The following F5 variants were observed in gnomAD, a reference collection of about 807,000 sequenced individuals.
F5 encodes activated protein c cofactor.
A neutral mutation model predicts 216.4 loss-of-function variants in F5; 138 were observed. That is an observed-to-expected ratio of 0.64 (90% CI 0.56 to 0.73). The LOEUF is 0.73. F5 is among the 30% of genes least tolerant of loss of function. The probability of loss-of-function intolerance (pLI) is 0.00; values close to 1 mark genes in which losing one functional copy is unlikely to be tolerated. For missense variants in F5, 2,403 were observed against 2,674.0 expected (o/e 0.90, Z 2.24); for synonymous variants, 916 against 930.7 (o/e 0.98, Z 0.29).
intron 5 of F5, among the ~76,000 whole-genome samples, chr1:169,557,370 T>A (rs1660356377): frequency 6.6e-6 from 1 of 152,252 alleles, no homozygotes; most frequent in Middle Eastern, 3.4e-3. Context: ...GCTGTAGTGG[T>A]CGAAGCTCTG....
At chr1:169,551,416 C>T (rs936810277) in intron 8 of F5, among the ~76,000 whole-genome samples, 3 of 152,230 alleles carry the variant, frequency 2.0e-5, no homozygotes, top group African/African-American at 7.2e-5. Flanking sequence ...CACCACTGCA[C>T]TCCAGCCTGG....
At chr1:169,550,144 A>G (rs914867079) in intron 9 of F5, 129 bp from the exon 10 acceptor site, 2 of 769,170 alleles carry the variant, frequency 2.6e-6, no homozygotes, top group African/African-American at 1.8e-5. Flanking sequence ...TTTTTTTTAA[A>G]TTATACTTTA....
In F5 at chr1:169,570,308, C is replaced by G. The variant is rs572444262; in HGVS notation, c.373+1913G>C. ...CAGGTAGGGTCCAAAGTCTACAATT[C>G]TTACCTCCTCCCTTATTTGAAATGA... On this transcript the variant is annotated intron_variant, in intron 3 of 24. Transcript: ENST00000367797. Among the ~76,000 whole-genome samples the G allele has an allele frequency of 1.3e-5, 2 of 152,236 alleles. 1 individual carries two copies. The highest frequency in any genetic ancestry group is 4.1e-4 in the South Asian group (2 of 4,832).
chr1:169,555,153 G>C (rs1285194227), intron 7 of F5, 29 bp downstream of exon 7: 1 of 1,613,498 alleles, frequency 6.2e-7, no homozygotes, highest in East Asian at 2.2e-5. Flanking sequence ...TTGAACCTTT[G>C]CCCAGTGGTA....
intron 3 of F5, among the ~76,000 whole-genome samples, chr1:169,571,320 C>A (rs1660717708): frequency 1.3e-5 from 2 of 152,002 alleles, no homozygotes. Context: ...TTATCCGATC[C>A]CAGGAACCAT....
Position 169,552,744 on chromosome 1 carries a change from A to T in F5, c.1119-10T>A, listed in dbSNP as rs1229485564. The T allele has an allele frequency of 1.2e-6, 2 of 1,602,282 alleles. No individual in the cohort carries two copies. ...CTGAGACCTGTATTTTCTTAAAGTG[A>T]AGTAAAAAAAAATTAAACCACTTTC... On this transcript the variant is annotated splice_polypyrimidine_tract_variant and intron_variant, in intron 7 of 24. Coordinates refer to ENST00000367797, the MANE Select transcript of F5 (RefSeq NM_000130.5).
Position 169,546,520 on chromosome 1 carries a change from T to C in F5, c.1684A>G (p.Asn562Asp). The C allele has an allele frequency of 1.2e-6, 2 of 1,614,176 alleles. No homozygotes were observed. The highest frequency in any genetic ancestry group is 1.7e-6 in the Non-Finnish European group (2 of 1,180,010). Residue 562 changes from asparagine (N) to aspartate (D), a missense_variant, in exon 11 of 25, where the codon AAC becomes GAC. Around this residue, in one of 4 missense-constraint regions of F5, gnomAD observed 1,425 missense variants for 1,554.8 expected, o/e 0.92. Transcript: ENST00000367797. ...DENKSWYLED[N>D]INKFCENPDE... is the part of the protein sequence containing the mutation. ...GGATTTTCACAAAACTTGTTGATGTTGTCCTCAAGGTACCAGCTTTTGTTC... is the reference window on the plus strand; with the variant it reads ...GGATTTTCACAAAACTTGTTGATGTCGTCCTCAAGGTACCAGCTTTTGTTC...
intron 3 of F5, among the ~76,000 whole-genome samples, chr1:169,563,246 C>T (rs1222025718): frequency 6.6e-6 from 1 of 151,938 alleles, no homozygotes; most frequent in Non-Finnish European, 1.5e-5. Context: ...TCACTGCTTC[C>T]AATATTTTCT....
chr1:169,566,403 G>A (rs1444394549), intron 3 of F5, among the ~76,000 whole-genome samples: 1 of 151,976 alleles, frequency 6.6e-6, no homozygotes, highest in Non-Finnish European at 1.5e-5. Flanking sequence ...TTATTTTTCT[G>A]GGTAAATGTG....
intron 4 of F5, among the ~76,000 whole-genome samples, chr1:169,559,984 G>A (rs2101832532): frequency 6.6e-6 from 1 of 152,146 alleles, no homozygotes; most frequent in Admixed American, 6.6e-5. Flanking sequence ...ATGAAAGATG[G>A]GCTGGATTCT....
At position 169,550,678 on chromosome 1, in the gene F5, G is replaced by A. The variant is rs764814710; in HGVS notation, c.1358C>T (p.Ser453Leu). 89 of 1,613,920 alleles carry A rather than the reference G, an allele frequency of 5.5e-5. No homozygotes were observed. The highest frequency in any genetic ancestry group is 6.6e-5 in the Non-Finnish European group (78 of 1,179,950). Residue 453 changes from serine to leucine, a missense_variant, in exon 9 of 25, where the codon TCG (serine) becomes TTG (leucine). Ser to Leu is a moderately radical substitution (Grantham distance 145). Around this residue, in one of 4 missense-constraint regions of F5, gnomAD observed 1,425 missense variants for 1,554.8 expected, o/e 0.92. Transcript: ENST00000367797. ...YSIYPHGVTFSPYEDEVNSSF... is the reference protein window; with the variant it reads ...YSIYPHGVTFLPYEDEVNSSF... ...AGAGTTGACTTCATCTTCATAAGGC[G>A]AGAAGGTCACTCCATGAGGGTAAAT...
intron 3 of F5, among the ~76,000 whole-genome samples, chr1:169,571,232 C>T (rs187089341): frequency 2.3e-4 from 35 of 152,210 alleles, no homozygotes; most frequent in Admixed American, 2.2e-3. Context: ...ACTTACTATT[C>T]AGCGGCTGAT....
chr1:169,586,469 T>C lies in F5; in HGVS notation c.-83A>G, dbSNP rs998952102. On this transcript the variant is annotated 5_prime_UTR_variant, in exon 1 of 25. Transcript: ENST00000367797. ...GAGCTGCTAACCACACTCCGGGCTG[T>C]CCCAGCTGCAATGAGCTCTAGAGGC... is the stretch of plus-strand genomic sequence containing the variant. 2.6e-6 allele frequency: 4 copies of C among 1,542,952 alleles called. No homozygotes were observed. The highest frequency in any genetic ancestry group is 3.5e-6 in the Non-Finnish European group (4 of 1,147,258).
In F5 at chr1:169,541,609, G is replaced by T; in HGVS notation, c.3481C>A (p.Arg1161=). ...PELSEMLEYD[R]SHKSFPTDIS... ...TCTGTGGGGAAGGACTTGTGACTTC[G>T]GTCATACTCAAGCATTTCACTGAGC... The change falls in exon 13 of 25, where the codon CGA becomes AGA. Residue 1161 remains arginine (R), a synonymous_variant. Transcript: ENST00000367797. 6.2e-7 allele frequency: 1 copy of T among 1,614,098 alleles called. No homozygotes were observed. The highest frequency in any genetic ancestry group is 1.1e-5 in the South Asian group (1 of 91,074).
At chr1:169,577,093 T>A (rs1471001008) in intron 2 of F5, among the ~76,000 whole-genome samples, 1 of 152,092 alleles carries the variant, frequency 6.6e-6, no homozygotes, top group Admixed American at 6.6e-5. Context: ...CCTAAAACCC[T>A]TCTAACCCTC....
intron 10 of F5, 30 bp from the exon 11 acceptor site, chr1:169,546,622 C>G (rs1423658721): frequency 6.2e-7 from 1 of 1,600,162 alleles, no homozygotes; most frequent in Non-Finnish European, 8.6e-7. Context: ...AGTACTGGTA[C>G]AAGAACAGAC....
At position 169,555,320 on chromosome 1, in the gene F5, T is replaced by G. The variant is rs751288022; in HGVS notation, c.980A>C (p.Lys327Thr). Residue 327 changes from lysine to threonine, a missense_variant, in exon 7 of 25, where the codon AAA becomes ACA. Physicochemically the swap from Lys to Thr is moderately conservative, Grantham distance 78. Coordinates refer to ENST00000367797, the MANE Select transcript of F5 (RefSeq NM_000130.5). The part of the protein sequence containing the change: ...QAGMQAYIDI[K>T]NCPKKTRNLK... ...ATTCCTGGTTTTCTTTGGGCAGTTTTTAATGTCAATGTAAGCCTGCATCCC... is the reference window on the plus strand; with the variant it reads ...ATTCCTGGTTTTCTTTGGGCAGTTTGTAATGTCAATGTAAGCCTGCATCCC... 1.2e-6 allele frequency: 2 copies of G among 1,614,120 alleles called. No individual in the cohort carries two copies. The highest frequency in any genetic ancestry group is 3.3e-5 in the Admixed American group (2 of 60,030).
At chr1:169,568,925 A>G (rs912061127) in intron 3 of F5, among the ~76,000 whole-genome samples, 1 of 152,066 alleles carries the variant, frequency 6.6e-6, no homozygotes. Context: ...AAGTTAATAA[A>G]CTTAGTGAAT....
chr1:169,542,483 C>T lies in F5; in HGVS notation c.2607G>A (p.Lys869=), dbSNP rs1659882708. The T allele has an allele frequency of 6.2e-7, 1 of 1,614,062 alleles. No individual in the cohort carries two copies. The highest frequency in any genetic ancestry group is 1.7e-5 in the Admixed American group (1 of 60,004). Residue 869 remains lysine, a synonymous_variant, in exon 13 of 25, where the codon AAG becomes AAA. Coordinates refer to ENST00000367797, the MANE Select transcript of F5 (RefSeq NM_000130.5). ...GCTTTGCTGCTTGATCTCTTTCTAC[C>T]TTGGGTCCCTTATGCTTAGCATGTT... ...SQEHAKHKGP[K]VERDQAAKHR...
Sources: allele counts gnomAD v4.1 joint callset (sites outside exome capture counted in the v4.1 genomes callset), GRCh38; gene constraint gnomAD v4.1.1; regional missense constraint gnomAD v4.1.1; transcripts MANE v1.5; gene names NCBI Gene and HGNC (gene_info 2026-07-23, HGNC 2026-07-21).